PTPRM: variants seen among roughly 807,000 people sequenced by gnomAD.
PTPRM encodes protein tyrosine phosphatase receptor type M, also known as receptor-type tyrosine-protein phosphatase mu.
In PTPRM, 47 loss-of-function variants were observed where a neutral mutation model predicts 186.7. That is an observed-to-expected ratio of 0.25 (90% CI 0.20 to 0.32). PTPRM has a LOEUF of 0.32. Among genes scored for constraint, PTPRM ranks in the 10% least tolerant of loss-of-function variants. The pLI is 1.00. For missense variants in PTPRM, 1,494 were observed against 1,865.0 expected (o/e 0.80, Z 3.66); for synonymous variants, 668 against 674.9 (o/e 0.99, Z 0.16).
intron 14 of PTPRM, among the ~76,000 whole-genome samples, chr18:8,179,469 T>C (rs1377764377): frequency 6.6e-6 from 1 of 151,948 alleles, no homozygotes; most frequent in Non-Finnish European, 1.5e-5. Context: ...CTTTTTTTTT[T>C]TTCTTTTCTT....
intron 1 of PTPRM, among the ~76,000 whole-genome samples, chr18:7,753,436 C>G (rs1245804086): frequency 6.6e-6 from 1 of 152,066 alleles, no homozygotes; most frequent in Admixed American, 6.5e-5. Flanking sequence ...GATTTGAGTG[C>G]TAGTTACTAT....
At chr18:7,705,562 T>C (rs1004725683) in intron 1 of PTPRM, among the ~76,000 whole-genome samples, 1 of 152,092 alleles carries the variant, frequency 6.6e-6, no homozygotes, top group Non-Finnish European at 1.5e-5. Context: ...ACCAGTGTAA[T>C]TGTTATTATG....
rs2036454386 is a variant in PTPRM, at chr18:7,567,512, C to G, written c.-307C>G. On this transcript the variant is annotated 5_prime_UTR_variant, in exon 1 of 33. Coordinates refer to ENST00000580170, the MANE Select transcript of PTPRM (RefSeq NM_001105244.2). This position sits in a 1 kb window ranked among gnomAD's most constrained non-coding sequence, Gnocchi z 4.3. Reference sequence around the variant, plus strand: ...CCGGGCAGGGGAAGGGGAGAGGCGGCGAGCTCAGCAACCGGAACCGAGGGA... The same window carrying G: ...CCGGGCAGGGGAAGGGGAGAGGCGGGGAGCTCAGCAACCGGAACCGAGGGA... 2 of 274,742 alleles carry G rather than the reference C, an allele frequency of 7.3e-6. No individual in the cohort carries two copies. The highest frequency in any genetic ancestry group is 1.3e-5 in the Non-Finnish European group (2 of 148,686). The allele number at this position is 274,742 out of a possible 1,614,324, so 17.0% of individuals were successfully genotyped here.
At chr18:7,930,009 A>C (rs1599569618) in intron 5 of PTPRM, among the ~76,000 whole-genome samples, 1 of 152,326 alleles carries the variant, frequency 6.6e-6, no homozygotes, top group South Asian at 2.1e-4. Context: ...GAGTGAGTCA[A>C]TATTTAGAAA....
chr18:7,582,898 G>A (rs1407048468), intron 1 of PTPRM, among the ~76,000 whole-genome samples: 5 of 152,096 alleles, frequency 3.3e-5, no homozygotes, highest in Non-Finnish European at 7.4e-5. Flanking sequence ...GGTTATAATA[G>A]CCTCATTAAA....
At chr18:8,342,902 T>C (rs576869898) in intron 22 of PTPRM, among the ~76,000 whole-genome samples, 1 of 124,902 alleles carries the variant, frequency 8.0e-6, no homozygotes, top group East Asian at 2.1e-4. Context: ...CTTAAAACTC[T>C]TAACTTCTCT....
At chr18:8,405,482 C>A (rs2095900364) in intron 32 of PTPRM, among the ~76,000 whole-genome samples, 1 of 152,200 alleles carries the variant, frequency 6.6e-6, no homozygotes, top group African/African-American at 2.4e-5. Context: ...CTTCCCACTG[C>A]CATCTTCCCT....
intron 21 of PTPRM, among the ~76,000 whole-genome samples, chr18:8,315,833 G>A (rs2095305332): frequency 6.6e-6 from 1 of 152,188 alleles, no homozygotes; most frequent in South Asian, 2.1e-4. Context: ...GGCATTTTCA[G>A]TTATAGATTT....
intron 21 of PTPRM, among the ~76,000 whole-genome samples, chr18:8,315,263 A>G (rs2095300786): frequency 6.6e-6 from 1 of 152,210 alleles, no homozygotes; most frequent in Non-Finnish European, 1.5e-5. Flanking sequence ...ATTTGTTTGC[A>G]TATTAATGGG....
intron 7 of PTPRM, among the ~76,000 whole-genome samples, chr18:8,057,449 G>C (rs1258191663): frequency 1.4e-5 from 1 of 73,056 alleles, no homozygotes. Flanking sequence ...TTTTTTTTTA[G>C]CTATTCTTTT....
At chr18:8,249,183 C>T (rs1160147564) in intron 17 of PTPRM, among the ~76,000 whole-genome samples, 2 of 152,138 alleles carry the variant, frequency 1.3e-5, no homozygotes, top group African/African-American at 4.8e-5. Context: ...GGGTTTATAT[C>T]TTTCCAACAT....
chr18:8,245,567 T>C (rs1030622944), intron 15 of PTPRM, among the ~76,000 whole-genome samples: 1 of 152,210 alleles, frequency 6.6e-6, no homozygotes, highest in East Asian at 1.9e-4. Flanking sequence ...AATATGTATG[T>C]ATAATTTATT....
chr18:8,206,268 A>ATTTTATTTTTTTTTT (rs1238112461), intron 14 of PTPRM, among the ~76,000 whole-genome samples: 1 of 148,984 alleles, frequency 6.7e-6, no homozygotes, highest in African/African-American at 2.6e-5. Flanking sequence ...ATTTTATTTT[A>ATTTTATTTTTTTTTT]TTTTGAGACG....
intron 1 of PTPRM, among the ~76,000 whole-genome samples, chr18:7,676,968 A>T (rs1369206212): frequency 6.6e-6 from 1 of 152,222 alleles, no homozygotes; most frequent in Non-Finnish European, 1.5e-5. Flanking sequence ...ATAAGCCAAG[A>T]CTAGGTCCAG....
chr18:8,317,525 C>T (rs1190182591), intron 21 of PTPRM, among the ~76,000 whole-genome samples: 2 of 152,076 alleles, frequency 1.3e-5, no homozygotes, highest in Non-Finnish European at 2.9e-5. Flanking sequence ...AGCTTGAAGG[C>T]CATGGGGCTG....
At chr18:8,288,684 T>G (rs1028569524) in intron 19 of PTPRM, among the ~76,000 whole-genome samples, 2 of 152,214 alleles carry the variant, frequency 1.3e-5, no homozygotes, top group South Asian at 2.1e-4. Flanking sequence ...TATGTTTTTT[T>G]GCTCTTGCCA....
At chr18:8,284,439 A>G (rs1296092584) in intron 19 of PTPRM, among the ~76,000 whole-genome samples, 2 of 152,202 alleles carry the variant, frequency 1.3e-5, no homozygotes, top group African/African-American at 4.8e-5. Flanking sequence ...CACTTAAACT[A>G]ATTGTTATCC....
At chr18:7,817,412 T>C (rs1367390125) in intron 2 of PTPRM, among the ~76,000 whole-genome samples, 2 of 152,242 alleles carry the variant, frequency 1.3e-5, no homozygotes, top group Non-Finnish European at 2.9e-5. Flanking sequence ...ATTTATGTAT[T>C]ATGTGTAATA....
chr18:7,923,174 C>T (rs144079801), intron 4 of PTPRM, among the ~76,000 whole-genome samples: 2 of 152,284 alleles, frequency 1.3e-5, no homozygotes, highest in African/African-American at 4.8e-5. Context: ...AGTGCAATAC[C>T]CCTTTAACCC....
Sources: allele counts gnomAD v4.1 joint callset (sites outside exome capture counted in the v4.1 genomes callset), GRCh38; gene constraint gnomAD v4.1.1; non-coding constraint Gnocchi (gnomAD v3.1); transcripts MANE v1.5; gene names NCBI Gene and HGNC (gene_info 2026-07-23, HGNC 2026-07-21).